PLCL2: variants seen among roughly 807,000 people sequenced by gnomAD.
PLCL2 encodes the protein phospholipase C like 2, also known as inactive phospholipase C-like protein 2.
A neutral mutation model predicts 79.6 loss-of-function variants in PLCL2; 4 were observed. The ratio of observed to expected loss-of-function variants is 0.05; its 90% confidence interval spans 0.02 to 0.11. The LOEUF (loss-of-function observed/expected upper bound fraction) is 0.11, where lower values mean the gene tolerates loss of function less well. Among genes scored for constraint, PLCL2 ranks in the 10% least tolerant of loss-of-function variants. PLCL2 has a pLI of 1.00. For missense variants in PLCL2, 895 were observed against 1,291.0 expected (o/e 0.69, Z 4.70); for synonymous variants, 484 against 457.7 (o/e 1.06, Z -0.73).
intron 5 of PLCL2, among the ~76,000 whole-genome samples, chr3:17,068,779 T>C (rs2065034213): frequency 1.3e-5 from 2 of 152,224 alleles, no homozygotes; most frequent in Admixed American, 1.3e-4. Flanking sequence ...ATTTTATATG[T>C]AATGTGACAT....
rs1191662583 is a variant in PLCL2, at chr3:17,010,432, C to T, written c.1086C>T (p.Asp362=). The change falls in exon 2 of 6, where the codon GAC becomes GAT. Residue 362 remains aspartate, a synonymous_variant. Transcript: ENST00000615277. This position sits in a 1 kb window ranked among gnomAD's most constrained non-coding sequence, Gnocchi z 5.8. The part of the protein sequence containing the change: ...SSNKEFLDTK[D]LMMFLEAEQG... ...ATAAAGAATTCCTTGATACCAAGGA[C>T]CTTATGATGTTTCTTGAGGCAGAAC... 1 of 1,613,732 alleles carries T rather than the reference C, an allele frequency of 6.2e-7. No homozygotes were observed. The highest frequency in any genetic ancestry group is 1.7e-5 in the Admixed American group (1 of 59,994).
At chr3:16,909,569 G>C (rs1696827450) in intron 1 of PLCL2, among the ~76,000 whole-genome samples, 1 of 152,192 alleles carries the variant, frequency 6.6e-6, no homozygotes, top group African/African-American at 2.4e-5. Context: ...AAGGTATCAA[G>C]AGGATTGGGA....
At chr3:17,012,276 A>C in intron 2 of PLCL2, 116 bp downstream of exon 2, 1 of 908,924 alleles carries the variant, frequency 1.1e-6, no homozygotes, top group Admixed American at 3.2e-5. Flanking sequence ...TTAAATTCTG[A>C]TTAGTTCTTA....
Position 17,011,157 on chromosome 3 carries a change from C to G in PLCL2, c.1811C>G (p.Pro604Arg). The change falls in exon 2 of 6, where the codon CCC becomes CGC. Residue 604 changes from proline to arginine, a missense_variant. By Grantham distance (103) the Pro-to-Arg change is moderately radical. Around this residue, in one of 6 missense-constraint regions of PLCL2, gnomAD observed 242 missense variants for 399.5 expected, o/e 0.61. Coordinates refer to ENST00000615277, the MANE Select transcript of PLCL2 (RefSeq NM_001144382.2). The surrounding 1 kb of genome is among the most constrained non-coding windows in gnomAD (Gnocchi z 7.9). The part of the protein sequence containing the change: ...QRMGKENMEQ[P>R]NNVPVKRFQL... ...ATGGGAAAAGAGAACATGGAGCAAC[C>G]CAATAATGTGCCTGTGAAGCGATTT... 1 of 1,614,076 alleles carries G rather than the reference C, an allele frequency of 6.2e-7. No homozygotes were observed. The highest frequency in any genetic ancestry group is 1.1e-5 in the South Asian group (1 of 91,076).
chr3:16,927,824 A>G (rs1193658975), intron 1 of PLCL2, among the ~76,000 whole-genome samples: 1 of 152,206 alleles, frequency 6.6e-6, no homozygotes, highest in South Asian at 2.1e-4. Context: ...GGGATACTCC[A>G]GGAAAATATT....
At chr3:16,959,807 T>A (rs1338570370) in intron 1 of PLCL2, among the ~76,000 whole-genome samples, 1 of 152,148 alleles carries the variant, frequency 6.6e-6, no homozygotes, top group African/African-American at 2.4e-5. Flanking sequence ...CTGTAATTCT[T>A]TAGGTGTAAG....
chr3:16,997,630 C>T (rs990774112), intron 1 of PLCL2, among the ~76,000 whole-genome samples: 3 of 151,784 alleles, frequency 2.0e-5, no homozygotes, highest in South Asian at 2.1e-4. Flanking sequence ...CCTCCACCTC[C>T]GGGGTTCAAG....
intron 1 of PLCL2, among the ~76,000 whole-genome samples, chr3:16,977,409 A>G (rs969402991): frequency 2.6e-5 from 4 of 152,116 alleles, no homozygotes; most frequent in Non-Finnish European, 2.9e-5. Flanking sequence ...TCACTCTGGA[A>G]GCATTTTCAC....
intron 5 of PLCL2, among the ~76,000 whole-genome samples, chr3:17,085,641 G>A (rs2065211063): frequency 6.6e-6 from 1 of 151,196 alleles, no homozygotes; most frequent in Non-Finnish European, 1.5e-5. Context: ...AGTAGAGACG[G>A]GGTTTCACCA....
intron 1 of PLCL2, among the ~76,000 whole-genome samples, chr3:16,979,627 CAT>C (rs1219946966): frequency 2.9e-5 from 4 of 137,252 alleles, no homozygotes; most frequent in African/African-American, 8.3e-5. Context: ...GGATACAGCA[CAT>C]GTTTCAGAGA....
At chr3:17,080,795 AAATCC>A (rs1396130196) in intron 5 of PLCL2, among the ~76,000 whole-genome samples, 1 of 152,228 alleles carries the variant, frequency 6.6e-6, no homozygotes, top group African/African-American at 2.4e-5. Context: ...CACACAGTGG[AAATCC>A]ATATTTCTGT....
At chr3:17,060,054 C>A (rs1269935530) in intron 4 of PLCL2, among the ~76,000 whole-genome samples, 1 of 152,116 alleles carries the variant, frequency 6.6e-6, no homozygotes, top group African/African-American at 2.4e-5. Flanking sequence ...CTCTTTATTT[C>A]TCGGTGAAAT....
intron 1 of PLCL2, among the ~76,000 whole-genome samples, chr3:16,968,631 A>G (rs1207588708): frequency 6.6e-6 from 1 of 152,104 alleles, no homozygotes; most frequent in Non-Finnish European, 1.5e-5. Flanking sequence ...GTATCCTGAA[A>G]TTTTGCTCAA....
chr3:16,928,232 C>T (rs149758139), intron 1 of PLCL2, among the ~76,000 whole-genome samples: 1 of 152,268 alleles, frequency 6.6e-6, no homozygotes, highest in Non-Finnish European at 1.5e-5. Context: ...GGAGGCCCTC[C>T]AAGAGGCTGA....
chr3:17,002,337 A>G (rs905289807), intron 1 of PLCL2, among the ~76,000 whole-genome samples: 1 of 152,036 alleles, frequency 6.6e-6, no homozygotes, highest in Non-Finnish European at 1.5e-5. Context: ...TTTCTTTCCA[A>G]TTTGGATCCC....
intron 1 of PLCL2, among the ~76,000 whole-genome samples, chr3:16,952,714 T>C (rs935754439): frequency 6.6e-6 from 1 of 152,110 alleles, no homozygotes; most frequent in East Asian, 1.9e-4. Context: ...GAATTATTTC[T>C]TGAGTGATGA....
At chr3:16,984,527 C>A (rs2064029520) in intron 1 of PLCL2, among the ~76,000 whole-genome samples, 1 of 152,028 alleles carries the variant, frequency 6.6e-6, no homozygotes, top group East Asian at 1.9e-4. Flanking sequence ...GGTTTCTAAT[C>A]TCTGTAAATT....
chr3:16,980,717 C>T (rs1273433534), intron 1 of PLCL2, among the ~76,000 whole-genome samples: 2 of 152,338 alleles, frequency 1.3e-5, no homozygotes, highest in Admixed American at 6.5e-5. Context: ...AGACGCCCCT[C>T]GCTTCCCAGA....
Position 16,980,870 on chromosome 3 carries a change from C to G in PLCL2, c.328-28804C>G, listed in dbSNP as rs571896197. 6.6e-3 allele frequency among the ~76,000 whole-genome samples: 1,006 copies of G among 152,344 alleles called. 8 individuals are homozygous for G. The highest frequency in any genetic ancestry group is 0.023 in the African/African-American group (953 of 41,592). ...CATTGAGCACTGAGTGAACGAGACT[C>G]CGTCTGCAATCCCGGCACCTCGGGA... is the stretch of plus-strand genomic sequence containing the variant. On this transcript the variant is annotated intron_variant, in intron 1 of 5. Coordinates refer to ENST00000615277, the MANE Select transcript of PLCL2 (RefSeq NM_001144382.2).
Sources: allele counts gnomAD v4.1 joint callset (sites outside exome capture counted in the v4.1 genomes callset), GRCh38; gene constraint gnomAD v4.1.1; regional missense constraint gnomAD v4.1.1; non-coding constraint Gnocchi (gnomAD v3.1); transcripts MANE v1.5; gene names NCBI Gene and HGNC (gene_info 2026-07-23, HGNC 2026-07-21).